PCDH9: variants seen among roughly 807,000 people sequenced by gnomAD.
The protein encoded by PCDH9 is protocadherin 9.
A neutral mutation model predicts 70.6 loss-of-function variants in PCDH9; 24 were observed. The ratio of observed to expected loss-of-function variants is 0.34; its 90% confidence interval spans 0.25 to 0.48. The LOEUF (loss-of-function observed/expected upper bound fraction) is 0.48, where lower values mean the gene tolerates loss of function less well. PCDH9 is among the 20% of genes least tolerant of loss of function. The pLI is 0.99. For synonymous variants in PCDH9, 562 were observed against 558.5 expected (o/e 1.01, Z -0.09); for missense variants, 1,281 against 1,503.6 (o/e 0.85, Z 2.45).
At chr13:66,562,264 T>C (rs539523639) in intron 4 of PCDH9, among the ~76,000 whole-genome samples, 14 of 152,242 alleles carry the variant, frequency 9.2e-5, no homozygotes, top group African/African-American at 2.9e-4. Flanking sequence ...CATCACCCCA[T>C]ATAAACTTTT....
chr13:66,953,102 T>C (rs988257025), intron 2 of PCDH9, among the ~76,000 whole-genome samples: 4 of 151,928 alleles, frequency 2.6e-5, no homozygotes, highest in African/African-American at 9.7e-5. Context: ...GAAGCACCAA[T>C]ACAGATTACT....
intron 3 of PCDH9, among the ~76,000 whole-genome samples, chr13:66,684,970 A>G (rs35419745): frequency 6.6e-5 from 10 of 152,178 alleles, no homozygotes; most frequent in Non-Finnish European, 1.3e-4. Context: ...TGTTAAAAGC[A>G]ATCAGTTTTA....
At chr13:66,363,295 A>C (rs1226752649) in intron 4 of PCDH9, among the ~76,000 whole-genome samples, 1 of 152,074 alleles carries the variant, frequency 6.6e-6, no homozygotes, top group Admixed American at 6.6e-5. Context: ...CAGATCTTTA[A>C]TTTTTCCTCA....
chr13:67,039,922 T>A (rs1378351624), intron 2 of PCDH9, among the ~76,000 whole-genome samples: 1 of 152,000 alleles, frequency 6.6e-6, no homozygotes, highest in African/African-American at 2.4e-5. Context: ...CCGTGTACTA[T>A]AAAAATCAAA....
At chr13:66,410,043 C>T (rs932925552) in intron 4 of PCDH9, among the ~76,000 whole-genome samples, 3 of 151,978 alleles carry the variant, frequency 2.0e-5, no homozygotes, top group Admixed American at 6.6e-5. Flanking sequence ...TCACTTCACA[C>T]GGGAAATCAA....
chr13:66,743,347 G>A (rs1344749923), intron 3 of PCDH9, among the ~76,000 whole-genome samples: 1 of 122,048 alleles, frequency 8.2e-6, no homozygotes, highest in Admixed American at 8.9e-5. Context: ...ACTGTGGTGG[G>A]GTGGGGGGAG....
chr13:67,125,841 ATG>A lies in PCDH9; in HGVS notation c.3036+99562_3036+99563del, dbSNP rs34815072. ...AATTTAAAAATGTGTGTATATATAT[ATG>A]TGTGTGTGTGTGTGTGTGTATGTAT... On this transcript the variant is annotated intron_variant, in intron 2 of 4. Coordinates refer to ENST00000377865, the MANE Select transcript of PCDH9 (RefSeq NM_203487.3). 4.2e-3 allele frequency among the ~76,000 whole-genome samples: 625 copies of A among 150,062 alleles called. 5 individuals carry two copies. The highest frequency in any genetic ancestry group is 0.013 in the African/African-American group (531 of 40,890).
intron 4 of PCDH9, among the ~76,000 whole-genome samples, chr13:66,429,794 G>A (rs960436544): frequency 2.6e-5 from 4 of 152,008 alleles, no homozygotes; most frequent in East Asian, 1.9e-4. Context: ...AACAGACAAG[G>A]GCACATCAGT....
intron 4 of PCDH9, among the ~76,000 whole-genome samples, chr13:66,414,857 G>A (rs553708417): frequency 6.6e-6 from 1 of 151,944 alleles, no homozygotes; most frequent in African/African-American, 2.4e-5. Context: ...AAAATGTTAC[G>A]GATGCATGAA....
At chr13:66,436,840 A>G (rs543807555) in intron 4 of PCDH9, among the ~76,000 whole-genome samples, 60 of 151,806 alleles carry the variant, frequency 4.0e-4, no homozygotes, top group African/African-American at 1.4e-3. Flanking sequence ...AGCAATTTCC[A>G]TTCAGTAGTG....
chr13:66,831,524 G>A (rs866396124), intron 3 of PCDH9, among the ~76,000 whole-genome samples: 3 of 152,090 alleles, frequency 2.0e-5, no homozygotes, highest in East Asian at 1.9e-4. Flanking sequence ...AGATGACACC[G>A]ACACAAACAG....
intron 3 of PCDH9, among the ~76,000 whole-genome samples, chr13:66,730,707 C>T (rs1462152856): frequency 3.5e-5 from 5 of 142,394 alleles, no homozygotes; most frequent in African/African-American, 1.3e-4. Context: ...GAGACAGAGT[C>T]TTGCTTTGTC....
chr13:67,128,265 C>T (rs1165276630), intron 2 of PCDH9, among the ~76,000 whole-genome samples: 3 of 152,148 alleles, frequency 2.0e-5, no homozygotes, highest in Admixed American at 2.0e-4. Context: ...TAGAGAAGCA[C>T]ATTTGGATAT....
At chr13:66,370,989 T>C (rs999253397) in intron 4 of PCDH9, among the ~76,000 whole-genome samples, 1 of 152,142 alleles carries the variant, frequency 6.6e-6, no homozygotes, top group Non-Finnish European at 1.5e-5. Flanking sequence ...TTTTGCTGCC[T>C]TTATTAGAAA....
chr13:66,573,243 G>A (rs2076760163), intron 4 of PCDH9, among the ~76,000 whole-genome samples: 1 of 142,298 alleles, frequency 7.0e-6, no homozygotes, highest in African/African-American at 2.6e-5. Context: ...TTTGAGAAAT[G>A]TCTATTTGGA....
At chr13:66,812,487 T>C (rs1373467323) in intron 3 of PCDH9, among the ~76,000 whole-genome samples, 4 of 152,192 alleles carry the variant, frequency 2.6e-5, no homozygotes, top group Non-Finnish European at 5.9e-5. Context: ...ACTCTGATGA[T>C]ACTAAGGAAG....
intron 2 of PCDH9, among the ~76,000 whole-genome samples, chr13:67,146,797 C>T (rs1444113718): frequency 6.6e-6 from 1 of 152,146 alleles, no homozygotes; most frequent in East Asian, 1.9e-4. Flanking sequence ...GCCAGAAAAG[C>T]CTACTTCAGT....
At chr13:66,445,034 TC>T (rs952655523) in intron 4 of PCDH9, among the ~76,000 whole-genome samples, 1 of 147,842 alleles carries the variant, frequency 6.8e-6, no homozygotes, top group Non-Finnish European at 1.5e-5. Context: ...ATTGTGGTGA[TC>T]TTTTCACTAT....
At chr13:66,532,030 A>G (rs35628504) in intron 4 of PCDH9, among the ~76,000 whole-genome samples, 34,575 of 152,030 alleles carry the variant, frequency 0.23, 4,429 homozygotes, top group South Asian at 0.34. Flanking sequence ...TCTTTTGCCC[A>G]GGCTGGAATG....
Sources: allele counts gnomAD v4.1 joint callset (sites outside exome capture counted in the v4.1 genomes callset), GRCh38; gene constraint gnomAD v4.1.1; transcripts MANE v1.5; gene names NCBI Gene and HGNC (gene_info 2026-07-23, HGNC 2026-07-21).